LMF1: variants seen among roughly 807,000 people sequenced by gnomAD.
The protein encoded by LMF1 is transmembrane protein 112.
A neutral mutation model predicts 60.6 loss-of-function variants in LMF1; 68 were observed. That is an observed-to-expected ratio of 1.12 (90% CI 0.92 to 1.37). The LOEUF (loss-of-function observed/expected upper bound fraction) is 1.37. LMF1 is among the 40% of genes most tolerant of loss of function. The pLI is 0.00. For synonymous variants in LMF1, 418 were observed against 324.7 expected (o/e 1.29, Z -3.09); for missense variants, 948 against 767.2 (o/e 1.24, Z -2.78).
rs1202867294 is a variant in LMF1 at position 868,115 on chromosome 16, T to G, written c.1529+829A>C. ...CCAGGGGGCTGCTCAATCCCAACCA[T>G]GTGGGGCAGGGGATACAAACGCTTG... On this transcript the variant is annotated intron_variant, in intron 10 of 10. Coordinates refer to ENST00000262301, the MANE Select transcript of LMF1 (RefSeq NM_022773.4). 2.6e-5 allele frequency among the ~76,000 whole-genome samples: 4 copies of G among 152,186 alleles called. No individual in the cohort carries two copies. In the East Asian group the frequency reaches 7.7e-4, roughly 29 times the overall value.
At chr16:898,360 C>A (rs1596942623) in intron 4 of LMF1, among the ~76,000 whole-genome samples, 1 of 152,228 alleles carries the variant, frequency 6.6e-6, no homozygotes, top group African/African-American at 2.4e-5. Flanking sequence ...CCTAGGGGAC[C>A]CACGCTGCGG....
intron 3 of LMF1, among the ~76,000 whole-genome samples, chr16:914,721 G>A (rs1596983964): frequency 1.9e-3 from 1 of 530 alleles, no homozygotes; most frequent in Non-Finnish European, 4.6e-3. Context: ...GACCATTGGT[G>A]ACACTCTCCC....
At chr16:867,891 C>T (rs751379782) in intron 10 of LMF1, among the ~76,000 whole-genome samples, 31 of 152,140 alleles carry the variant, frequency 2.0e-4, no homozygotes, top group Admixed American at 1.2e-3. Flanking sequence ...CTGTGGACCT[C>T]GGCGCCCCTC....
At chr16:967,756 G>A (rs1176200418) in intron 1 of LMF1, among the ~76,000 whole-genome samples, 3 of 152,228 alleles carry the variant, frequency 2.0e-5, no homozygotes, top group Non-Finnish European at 4.4e-5. Flanking sequence ...TACGCAGGCT[G>A]CACAGTGGCG....
chr16:980,910 G>T (rs2073337008), intron 1 of LMF1: 1 of 152,010 alleles, frequency 6.6e-6, no homozygotes, highest in South Asian at 2.1e-4. Flanking sequence ...CCGCCCCCGA[G>T]CCCTAGGTCA....
chr16:916,971 T>C (rs2071295784), intron 3 of LMF1, among the ~76,000 whole-genome samples: 2 of 152,180 alleles, frequency 1.3e-5, no homozygotes, highest in African/African-American at 4.8e-5. Flanking sequence ...CCGGGTCTGT[T>C]ACGGCTATTT....
At chr16:908,693 G>A (rs1421390129) in intron 4 of LMF1, among the ~76,000 whole-genome samples, 1 of 152,246 alleles carries the variant, frequency 6.6e-6, no homozygotes, top group Non-Finnish European at 1.5e-5. Flanking sequence ...TGCAGCATGC[G>A]GGAGCGGCTC....
chr16:933,686 G>A lies in LMF1; in HGVS notation c.514+558C>T, dbSNP rs116264086. 1.1e-3 allele frequency: 320 copies of A among 282,876 alleles called. 1 individual carries two copies. Among genetic ancestry groups the A allele is most frequent in the African/African-American group, 6.8e-3 (311 of 45,746 alleles). The allele number at this position is 282,876 out of a possible 1,614,324, so 17.5% of individuals were successfully genotyped here. A position where few individuals can be genotyped will look rare whatever the true frequency, so the allele number is the denominator to read the frequency against. On this transcript the variant is annotated intron_variant, in intron 3 of 10. Transcript: ENST00000262301. ...TCAGGTCTGCTTACCAAGCCACCGT[G>A]TGTCCCATGACATTCTGGAGGCCTC...
intron 5 of LMF1, among the ~76,000 whole-genome samples, chr16:890,229 G>A (rs2070441982): frequency 6.6e-6 from 1 of 152,218 alleles, no homozygotes; most frequent in African/African-American, 2.4e-5. Flanking sequence ...TGCAGGCACG[G>A]CGCCGCACTG....
intron 4 of LMF1, chr16:900,144 G>T (rs1006959258): frequency 1.3e-5 from 2 of 152,196 alleles, no homozygotes; most frequent in African/African-American, 4.8e-5. Context: ...CTGGCCTAAG[G>T]CTTCTGTAAC....
At chr16:938,222 G>T (rs117214899) in intron 2 of LMF1, among the ~76,000 whole-genome samples, 9,905 of 152,262 alleles carry the variant, frequency 0.065, 382 homozygotes, top group Non-Finnish European at 0.089. Context: ...CGCTGTGCAG[G>T]GCCATGGCCT....
chr16:945,999 C>T (rs1462655673), intron 2 of LMF1, among the ~76,000 whole-genome samples: 2 of 152,106 alleles, frequency 1.3e-5, no homozygotes, highest in East Asian at 3.9e-4. Flanking sequence ...GATAGGAAAC[C>T]CTCTGGAAAC....
At chr16:976,482 C>T (rs1349749736) in intron 1 of LMF1, 1 of 453,986 alleles carries the variant, frequency 2.2e-6, no homozygotes, top group Non-Finnish European at 4.4e-6. Context: ...GGCTGGGCCT[C>T]CCTCGACGGA....
intron 10 of LMF1, among the ~76,000 whole-genome samples, chr16:863,130 G>A (rs779005256): frequency 1.6e-4 from 24 of 152,144 alleles, no homozygotes; most frequent in Non-Finnish European, 1.3e-4. Flanking sequence ...TGTCGTAGTC[G>A]CTTATTATCC....
intron 4 of LMF1, among the ~76,000 whole-genome samples, chr16:894,329 TC>T: frequency 2.7e-5 from 2 of 74,904 alleles, no homozygotes; most frequent in African/African-American, 4.5e-5. Context: ...CACCCACCCG[TC>T]CCCCTGTCCA....
intron 3 of LMF1, among the ~76,000 whole-genome samples, chr16:917,121 C>A (rs570592760): frequency 1.3e-5 from 2 of 152,238 alleles, no homozygotes; most frequent in African/African-American, 4.8e-5. Flanking sequence ...GCCCAGCACA[C>A]AGAAGCAATC....
chr16:869,644 C>T (rs1175581945), intron 9 of LMF1: 6 of 657,204 alleles, frequency 9.1e-6, no homozygotes, highest in East Asian at 5.5e-5. Context: ...GGATTCCTGG[C>T]ATGAGACACT....
rs540153402 is a variant in LMF1, at chr16:870,871, G to A, written c.1090C>T (p.Arg364Trp). Residue 364 changes from arginine (R) to tryptophan (W), a missense_variant, in exon 8 of 11, where the codon CGG (arginine) becomes TGG (tryptophan). Transcript: ENST00000262301. Reference protein sequence around the residue: ...RPEPRFGSVVRRAANVSLGVL... With the variant: ...RPEPRFGSVVWRAANVSLGVL... ...CCCAGCGAGACGTTGGCTGCACGCC[G>A]CACCACGGAGCCTGGCAGGGGAGTG... 1.2e-4 allele frequency: 190 copies of A among 1,607,080 alleles called. 2 individuals carry two copies. Among genetic ancestry groups the A allele is most frequent in the South Asian group, 7.9e-4 (72 of 90,888 alleles).
At chr16:899,079 T>C (rs890610656) in intron 4 of LMF1, 15 of 152,238 alleles carry the variant, frequency 9.9e-5, no homozygotes, top group African/African-American at 3.6e-4. Flanking sequence ...AGGAGAGCAC[T>C]GTCCTGTGTG....
Sources: gnomAD v4.1 joint callset for allele counts (sites outside exome capture counted in the v4.1 genomes callset) on GRCh38, gnomAD v4.1.1 for gene constraint, MANE v1.5 for transcripts, NCBI Gene and HGNC (gene_info 2026-07-23, HGNC 2026-07-21) for gene names.